Variants in KSR2 observed in about 807,000 individuals in gnomAD.
KSR2 encodes kinase suppressor of ras 2.
A neutral mutation model predicts 107.8 loss-of-function variants in KSR2; 25 were observed. That is an observed-to-expected ratio of 0.23 (90% CI 0.17 to 0.32). The LOEUF (loss-of-function observed/expected upper bound fraction) is 0.32, where lower values mean the gene tolerates loss of function less well. Ranked by LOEUF, KSR2 falls within the 10% of genes least tolerant of loss-of-function variation. KSR2 has a pLI of 1.00. For missense variants in KSR2, 887 were observed against 1,268.9 expected, an observed-to-expected ratio of 0.70 and a Z score of 4.57; for synonymous variants, 480 against 507.0, an observed-to-expected ratio of 0.95 and a Z score of 0.71.
chr12:117,850,220 A>G (rs1415215657), intron 3 of KSR2, among the ~76,000 whole-genome samples: 1 of 152,198 alleles, frequency 6.6e-6, no homozygotes, highest in Non-Finnish European at 1.5e-5. Context: ...GGAGGGGCTC[A>G]GCGGTGTAGA....
chr12:117,628,248 G>A (rs1882625187), intron 5 of KSR2, among the ~76,000 whole-genome samples: 2 of 152,132 alleles, frequency 1.3e-5, no homozygotes, highest in Admixed American at 1.3e-4. Context: ...TGCTGGTGAG[G>A]AGCTGCAATC....
chr12:117,883,728 T>C (rs1028845660), intron 1 of KSR2, among the ~76,000 whole-genome samples: 6 of 151,954 alleles, frequency 3.9e-5, no homozygotes, highest in African/African-American at 1.5e-4. Context: ...ATACAAAAAT[T>C]AGCTGGATGT....
rs530933419 is a variant in KSR2 at position 117,931,517 on chromosome 12, T to C, written c.180+36559A>G. ...TCTTGAGTCAAGACTGCCACAGTCA[T>C]GTCCACCAATTCTAGGAACAACCCA... On this transcript the variant is annotated intron_variant, in intron 1 of 19. Transcript: ENST00000339824. Among the ~76,000 whole-genome samples the C allele has an allele frequency of 2.0e-5, 3 of 152,296 alleles. No individual in the cohort carries two copies. The East Asian group carries it at 5.8e-4, about 29-fold the overall frequency.
chr12:117,850,668 G>A (rs971424648), intron 3 of KSR2, among the ~76,000 whole-genome samples: 2 of 152,084 alleles, frequency 1.3e-5, no homozygotes, highest in African/African-American at 4.8e-5. Flanking sequence ...AAGTTTGCCA[G>A]GCATGGTGGC....
At chr12:117,921,076 T>C (rs1484935365) in intron 1 of KSR2, among the ~76,000 whole-genome samples, 5 of 152,232 alleles carry the variant, frequency 3.3e-5, no homozygotes, top group Non-Finnish European at 7.3e-5. Context: ...AACCCAGGCT[T>C]TGCAATTTGC....
Position 117,968,187 on chromosome 12 carries a change from C to T in KSR2, c.69G>A (p.Gln23=), listed in dbSNP as rs764802190. The T allele has an allele frequency of 1.2e-6, 2 of 1,612,308 alleles. No homozygotes were observed. Among genetic ancestry groups the T allele is most frequent in the Non-Finnish European group, 1.7e-6 (2 of 1,179,328 alleles). The change falls in exon 1 of 20, where the codon CAG becomes CAA. Residue 23 remains glutamine, a synonymous_variant. Transcript: ENST00000339824. ...QPLSLQKALQ[Q]CELVQNMIDL... is the part of the protein sequence containing the mutation. ...CTATCATGTTTTGGACCAGTTCGCA[C>T]TGCTGTAAGGCTTTTTGCAAACTCA...
chr12:117,838,485 A>C (rs1390778327), intron 3 of KSR2, among the ~76,000 whole-genome samples: 1 of 152,160 alleles, frequency 6.6e-6, no homozygotes, highest in Non-Finnish European at 1.5e-5. Flanking sequence ...GTATAATGAA[A>C]GTTTTGGGTG....
At chr12:117,522,315 G>T (rs1007881311) in intron 14 of KSR2, among the ~76,000 whole-genome samples, 1 of 152,084 alleles carries the variant, frequency 6.6e-6, no homozygotes, top group African/African-American at 2.4e-5. Context: ...AGGCTTCATA[G>T]GTAATGCTGA....
intron 7 of KSR2, among the ~76,000 whole-genome samples, chr12:117,570,524 A>G (rs1282084540): frequency 1.3e-5 from 2 of 152,254 alleles, no homozygotes; most frequent in East Asian, 3.8e-4. Context: ...GGAAAAGCAG[A>G]GAACAAGAAC....
Position 117,726,554 on chromosome 12 carries a change from T to C in KSR2, c.986+34457A>G, listed in dbSNP as rs377451161. Among the ~76,000 whole-genome samples the C allele has an allele frequency of 7.2e-5, 11 of 152,328 alleles. No homozygotes were observed. The East Asian group carries it at 1.9e-3, about 27-fold the overall frequency. On this transcript the variant is annotated intron_variant, in intron 4 of 19. Transcript: ENST00000339824. ...CCTTGGTCTCTCCCCAGGTGCCAGA[T>C]GCTAGAAGCACTGTCCCCTTCACTG... is the stretch of plus-strand genomic sequence containing the variant.
At chr12:117,518,523 A>G (rs1394531503) in intron 14 of KSR2, among the ~76,000 whole-genome samples, 1 of 152,176 alleles carries the variant, frequency 6.6e-6, no homozygotes, top group Non-Finnish European at 1.5e-5. Flanking sequence ...TGATGCCATC[A>G]CTATTCTAAC....
At chr12:117,927,391 A>C (rs567381383) in intron 1 of KSR2, among the ~76,000 whole-genome samples, 90 of 143,292 alleles carry the variant, frequency 6.3e-4, no homozygotes, top group Admixed American at 3.4e-3. Context: ...ATAACAACAA[A>C]AAAAAAAGGA....
intron 3 of KSR2, among the ~76,000 whole-genome samples, chr12:117,825,139 G>A (rs12298511): frequency 0.13 from 20,502 of 152,094 alleles, 2,112 homozygotes; most frequent in East Asian, 0.3. Flanking sequence ...CCAACATTGC[G>A]CCACTGCACT....
At position 117,527,095 on chromosome 12, in the gene KSR2, T is replaced by C. The variant is rs753958451; in HGVS notation, c.1827A>G (p.Gln609=). The change falls in exon 13 of 20, where the codon CAA becomes CAG. Residue 609 remains glutamine, a synonymous_variant. Transcript: ENST00000339824. ...CCTCCGACGTTGGCTCCACTTCAAT[T>C]TGAAGTAATGGATTTCCTTCCAAGC... ...NPILEGNPLL[Q]IEVEPTSENE... is the part of the protein sequence containing the mutation. The C allele has an allele frequency of 4.8e-5, 77 of 1,613,630 alleles. No homozygotes were observed. The highest frequency in any genetic ancestry group is 6.5e-5 in the Non-Finnish European group (77 of 1,179,730).
At chr12:117,530,905 CTT>C (rs755962615) in intron 12 of KSR2, 34 bp downstream of exon 12, 1 of 1,590,852 alleles carries the variant, frequency 6.3e-7, no homozygotes, top group East Asian at 2.2e-5. Flanking sequence ...GGCTGGGAAG[CTT>C]GGGAAAGGGG....
intron 14 of KSR2, among the ~76,000 whole-genome samples, chr12:117,491,030 C>T (rs1872717314): frequency 6.6e-6 from 1 of 151,978 alleles, no homozygotes; most frequent in Non-Finnish European, 1.5e-5. Context: ...GAACTTATTC[C>T]TCCTGTCTAA....
intron 9 of KSR2, among the ~76,000 whole-genome samples, chr12:117,545,483 G>A (rs1036004345): frequency 2.0e-5 from 3 of 152,012 alleles, no homozygotes; most frequent in Non-Finnish European, 4.4e-5. Flanking sequence ...ATGTTTACAG[G>A]GCTATGCAAA....
At chr12:117,888,437 T>A (rs143529098) in intron 1 of KSR2, among the ~76,000 whole-genome samples, 1 of 151,744 alleles carries the variant, frequency 6.6e-6, no homozygotes, top group East Asian at 1.9e-4. Flanking sequence ...TGATGGGGAG[T>A]GTTCTGAATG....
At chr12:117,923,866 T>G (rs895242701) in intron 1 of KSR2, among the ~76,000 whole-genome samples, 1 of 151,446 alleles carries the variant, frequency 6.6e-6, no homozygotes, top group Non-Finnish European at 1.5e-5. Context: ...GAGTTGACAT[T>G]AATATATATT....
Sources: gnomAD v4.1 joint callset for allele counts (sites outside exome capture counted in the v4.1 genomes callset) on GRCh38, gnomAD v4.1.1 for gene constraint, MANE v1.5 for transcripts, NCBI Gene and HGNC (gene_info 2026-07-23, HGNC 2026-07-21) for gene names.